The following WWOX variants were observed in gnomAD, a reference collection of about 807,000 sequenced individuals.
WWOX encodes the protein WW domain-containing oxidoreductase.
A neutral mutation model predicts 46.2 loss-of-function variants in WWOX; 69 were observed. The observed-to-expected ratio is 1.49, with a 90% CI of 1.23 to 1.82. The LOEUF is 1.82. Ranked by LOEUF, WWOX falls within the 40% of genes most tolerant of loss-of-function variation. The pLI is 0.00. For synonymous variants in WWOX, 359 were observed against 202.6 expected, an observed-to-expected ratio of 1.77 and a Z score of -6.56; for missense variants, 919 against 542.6, an observed-to-expected ratio of 1.69 and a Z score of -6.89.
chr16:78,895,648 A>G (rs961290264), intron 8 of WWOX: 2 of 152,248 alleles, frequency 1.3e-5, no homozygotes, highest in African/African-American at 4.8e-5. Flanking sequence ...CAAATGAGAA[A>G]TAACTATCAT....
chr16:78,634,567 A>T (rs2046518476), intron 8 of WWOX, among the ~76,000 whole-genome samples: 1 of 151,990 alleles, frequency 6.6e-6, no homozygotes, highest in South Asian at 2.1e-4. Context: ...TTAGCTGGGC[A>T]TGGTGGCGGG....
chr16:78,398,847 T>C (rs1173910453), intron 6 of WWOX, among the ~76,000 whole-genome samples: 2 of 152,260 alleles, frequency 1.3e-5, no homozygotes, highest in African/African-American at 4.8e-5. Context: ...TACCTGATAC[T>C]TAATAAAAAA....
At chr16:78,702,007 TTATATATATATA>T (rs869227421) in intron 8 of WWOX, among the ~76,000 whole-genome samples, 1,144 of 57,628 alleles carry the variant, frequency 0.02, 43 homozygotes, top group African/African-American at 0.067. Flanking sequence ...CTACATAAAA[TTATATATATATA>T]TATATATATA....
intron 8 of WWOX, among the ~76,000 whole-genome samples, chr16:78,511,015 C>T (rs2085348110): frequency 6.6e-6 from 1 of 152,232 alleles, no homozygotes. Flanking sequence ...GCAGCAAAGC[C>T]ACCTGGCATA....
intron 8 of WWOX, among the ~76,000 whole-genome samples, chr16:78,815,605 G>T (rs2051308984): frequency 6.6e-6 from 1 of 152,140 alleles, no homozygotes. Context: ...ACATTTATGG[G>T]GGCAGAGGGA....
intron 8 of WWOX, among the ~76,000 whole-genome samples, chr16:78,613,300 G>A (rs148289419): frequency 2.6e-5 from 4 of 152,222 alleles, no homozygotes; most frequent in South Asian, 4.2e-4. Flanking sequence ...ATGAGCGTAT[G>A]GAAGCCCCAG....
chr16:78,825,231 ATC>A (rs2051617896), intron 8 of WWOX: 2 of 230,510 alleles, frequency 8.7e-6, no homozygotes, highest in Non-Finnish European at 1.8e-5. Context: ...CTCTAGTGAG[ATC>A]TAAGAGAGGC....
chr16:78,180,506 A>C (rs1312133520), intron 5 of WWOX, among the ~76,000 whole-genome samples: 1 of 151,968 alleles, frequency 6.6e-6, no homozygotes, highest in Admixed American at 6.6e-5. Flanking sequence ...CTATTGGGCA[A>C]ATCCAGCTGC....
chr16:78,994,090 A>G (rs921391120), intron 8 of WWOX, among the ~76,000 whole-genome samples: 1 of 152,184 alleles, frequency 6.6e-6, no homozygotes, highest in African/African-American at 2.4e-5. Context: ...TCATTTGCTT[A>G]TTATGATCAA....
At chr16:79,067,119 G>GA (rs1163078865) in intron 8 of WWOX, among the ~76,000 whole-genome samples, 2 of 152,204 alleles carry the variant, frequency 1.3e-5, no homozygotes, top group Non-Finnish European at 2.9e-5. Flanking sequence ...TGCAATCCTT[G>GA]GAGGCCCTGT....
At chr16:78,931,962 C>T (rs906059591) in intron 8 of WWOX, among the ~76,000 whole-genome samples, 6 of 152,186 alleles carry the variant, frequency 3.9e-5, no homozygotes, top group African/African-American at 1.4e-4. Context: ...AGGGCAGTTC[C>T]CCTGCACAAA....
At chr16:78,706,139 C>A (rs1049197244) in intron 8 of WWOX, among the ~76,000 whole-genome samples, 1 of 132,438 alleles carries the variant, frequency 7.6e-6, no homozygotes, top group Non-Finnish European at 1.5e-5. Flanking sequence ...AAAAATCATT[C>A]TTAATTAAGG....
intron 8 of WWOX, among the ~76,000 whole-genome samples, chr16:78,800,829 C>G (rs894750506): frequency 1.2e-4 from 19 of 152,220 alleles, no homozygotes; most frequent in East Asian, 3.9e-4. Flanking sequence ...CATCTCCTCC[C>G]CAGCACTCAC....
chr16:78,466,266 T>G (rs7189938), intron 8 of WWOX, among the ~76,000 whole-genome samples: 2,789 of 152,054 alleles, frequency 0.018, 80 homozygotes, highest in African/African-American at 0.064. Context: ...CTCCTGACCT[T>G]TTGATCAGCC....
rs540239787 is a variant in WWOX, at chr16:78,713,339, G to A, written c.1056+280587G>A. On this transcript the variant is annotated intron_variant, in intron 8 of 8. Coordinates refer to ENST00000566780, the MANE Select transcript of WWOX (RefSeq NM_016373.4). ...CCCCAAAACTTCTAGACAGGGCATG[G>A]TGTGAGCTGGAGTAGACAACTAGTT... Among the ~76,000 whole-genome samples the A allele has an allele frequency of 1.7e-4, 26 of 150,434 alleles. No individual in the cohort carries two copies. The South Asian group carries it at 3.4e-3, about 20-fold the overall frequency.
At chr16:79,138,704 C>T (rs2050030437) in intron 8 of WWOX, among the ~76,000 whole-genome samples, 1 of 152,208 alleles carries the variant, frequency 6.6e-6, no homozygotes, top group Non-Finnish European at 1.5e-5. Context: ...TGCTTGCACA[C>T]ACTTGTTTAG....
chr16:78,693,260 C>G (rs1382702562), intron 8 of WWOX, among the ~76,000 whole-genome samples: 1 of 152,178 alleles, frequency 6.6e-6, no homozygotes, highest in Non-Finnish European at 1.5e-5. Context: ...TACTATGGTT[C>G]TAGAGGTCTA....
chr16:78,652,830 A>G (rs1162717687), intron 8 of WWOX, among the ~76,000 whole-genome samples: 1 of 152,210 alleles, frequency 6.6e-6, no homozygotes, highest in Non-Finnish European at 1.5e-5. Context: ...TTCATCATAT[A>G]AGTAAATTAT....
At chr16:78,263,949 G>C (rs1044616833) in intron 5 of WWOX, among the ~76,000 whole-genome samples, 2 of 138,412 alleles carry the variant, frequency 1.4e-5, no homozygotes, top group Admixed American at 1.5e-4. Flanking sequence ...GCCATCTCAC[G>C]ACTTTTCCCT....
Sources: allele counts gnomAD v4.1 joint callset (sites outside exome capture counted in the v4.1 genomes callset), GRCh38; gene constraint gnomAD v4.1.1; transcripts MANE v1.5; gene names NCBI Gene and HGNC (gene_info 2026-07-23, HGNC 2026-07-21).